The following ZNF331 variants were observed in gnomAD, a reference collection of about 807,000 sequenced individuals.
ZNF331 encodes C2H2-like zinc finger protein rearranged in thyroid adenomas.
In ZNF331, 2 loss-of-function variants were observed where a neutral mutation model predicts 7.0. That is an observed-to-expected ratio of 0.29 (90% confidence interval 0.12 to 0.90). ZNF331 has a LOEUF of 0.90. Ranked by LOEUF, ZNF331 falls within the 40% of genes least tolerant of loss-of-function variation. The probability of loss-of-function intolerance (pLI) is 0.58; values close to 1 mark genes in which losing one functional copy is unlikely to be tolerated. For missense variants in ZNF331, 432 were observed against 587.7 expected (o/e 0.74, Z 2.74); for synonymous variants, 196 against 205.4 (o/e 0.95, Z 0.39).
At chr19:53,548,591 G>A (rs763736221) in intron 2 of ZNF331, among the ~76,000 whole-genome samples, 9 of 152,220 alleles carry the variant, frequency 5.9e-5, no homozygotes, top group Non-Finnish European at 1.3e-4. Context: ...CAGATATATG[G>A]TTTGAAATAG....
At chr19:53,555,449 G>A (rs2089328708) in intron 2 of ZNF331, 1 of 152,632 alleles carries the variant, frequency 6.6e-6, no homozygotes, top group East Asian at 1.9e-4. Flanking sequence ...TGTAGCTCCA[G>A]CGTCTCTGCT....
chr19:53,527,119 T>C (rs1159032854), intron 2 of ZNF331, among the ~76,000 whole-genome samples: 1 of 150,896 alleles, frequency 6.6e-6, no homozygotes, highest in Non-Finnish European at 1.5e-5. Context: ...AACCCGGGAG[T>C]TGGAGGTTGC....
At chr19:53,527,801 ACAC>A (rs1211587871) in intron 2 of ZNF331, among the ~76,000 whole-genome samples, 1 of 152,186 alleles carries the variant, frequency 6.6e-6, no homozygotes, top group African/African-American at 2.4e-5. Flanking sequence ...CTTCACGTTT[ACAC>A]CTTATAGAAT....
chr19:53,564,461 G>T (rs972139364), intron 3 of ZNF331, among the ~76,000 whole-genome samples: 8 of 151,474 alleles, frequency 5.3e-5, no homozygotes, highest in Non-Finnish European at 8.8e-5. Context: ...TGTGTTTTTA[G>T]TAGAGACAGG....
chr19:53,559,833 CATATAT>C, intron 3 of ZNF331, among the ~76,000 whole-genome samples: 1 of 147,430 alleles, frequency 6.8e-6, no homozygotes, highest in East Asian at 1.9e-4. Context: ...CACGTATATA[CATATAT>C]ACATATACAC....
At chr19:53,545,559 G>T (rs976221328) in intron 2 of ZNF331, among the ~76,000 whole-genome samples, 2 of 152,106 alleles carry the variant, frequency 1.3e-5, no homozygotes, top group African/African-American at 4.8e-5. Context: ...GTGACACAGC[G>T]CCAGTCACAT....
At chr19:53,509,140 G>C in the ZNF331 span, among the ~76,000 whole-genome samples, 1 of 152,128 alleles carries the variant, frequency 6.6e-6, no homozygotes, top group Non-Finnish European at 1.5e-5. Flanking sequence ...TGGTCTCCAC[G>C]TCACCCAGAA....
chr19:53,518,847 A>C (rs1432132931), upstream of ZNF331, among the ~76,000 whole-genome samples: 1 of 152,234 alleles, frequency 6.6e-6, no homozygotes, highest in African/African-American at 2.4e-5. Flanking sequence ...CTCATCACAA[A>C]TGACAGCAGG....
chr19:53,510,518 T>C, the ZNF331 span, among the ~76,000 whole-genome samples: 1 of 152,072 alleles, frequency 6.6e-6, no homozygotes, highest in Non-Finnish European at 1.5e-5. Context: ...TTTTGTCACT[T>C]TGTAATGTGT....
In ZNF331 at chr19:53,573,978, G is replaced by A. The variant is rs146673785; in HGVS notation, c.136+2248G>A. On this transcript the variant is annotated intron_variant, in intron 5 of 5. Transcript: ENST00000449416. The surrounding 1 kb of genome is among the most constrained non-coding windows in gnomAD (Gnocchi z 4.2). ...AAACACAAAAATTAGCCGGTGTGCT[G>A]GTGTGCGCCTGTAATCCCAGCTACC... Among the ~76,000 whole-genome samples, 874 of 152,148 alleles carry A rather than the reference G, an allele frequency of 5.7e-3. 9 individuals are homozygous for A. The highest frequency in any genetic ancestry group is 0.02 in the African/African-American group (839 of 41,518).
At chr19:53,572,336 A>G (rs16985046) in intron 5 of ZNF331, among the ~76,000 whole-genome samples, 54,447 of 151,620 alleles carry the variant, frequency 0.36, 10,351 homozygotes, top group African/African-American at 0.47. Flanking sequence ...CAACAATGAT[A>G]TTAATGGCTA....
At chr19:53,523,879 G>T (rs1027853861) in intron 2 of ZNF331, among the ~76,000 whole-genome samples, 1 of 151,472 alleles carries the variant, frequency 6.6e-6, no homozygotes, top group African/African-American at 2.4e-5. Context: ...CTCGTCATTT[G>T]CATTAGGTAT....
In ZNF331 at chr19:53,571,575, C is replaced by T. The variant is rs757914046; in HGVS notation, c.10-29C>T. 1 of 1,609,436 alleles carries T rather than the reference C, an allele frequency of 6.2e-7. No individual in the cohort carries two copies. Among genetic ancestry groups the T allele is most frequent in the Non-Finnish European group, 8.5e-7 (1 of 1,177,914 alleles). On this transcript the variant is annotated intron_variant, in intron 4 of 5. Coordinates refer to ENST00000449416, the MANE Select transcript of ZNF331 (RefSeq NM_001079906.2). This position sits in a 1 kb window ranked among gnomAD's most constrained non-coding sequence, Gnocchi z 4.7. The stretch of plus-strand genomic sequence containing the variant: ...ATCTGGAAGCTGTTTCCTTTCATTT[C>T]ATCATGCACGTGTGGGTTTCTGTTT...
chr19:53,540,324 G>A (rs2088056230), intron 2 of ZNF331, among the ~76,000 whole-genome samples: 2 of 152,188 alleles, frequency 1.3e-5, no homozygotes, highest in African/African-American at 4.8e-5. Flanking sequence ...TTCCAGGTTG[G>A]AGACTGTCAC....
intron 2 of ZNF331, among the ~76,000 whole-genome samples, chr19:53,546,050 G>A (rs16960015): frequency 0.15 from 22,361 of 149,540 alleles, 3,061 homozygotes; most frequent in African/African-American, 0.37. Context: ...GAGGGTATTT[G>A]CTAATGCAGC....
At chr19:53,505,972 G>A in the ZNF331 span, among the ~76,000 whole-genome samples, 5 of 151,826 alleles carry the variant, frequency 3.3e-5, no homozygotes, top group African/African-American at 1.2e-4. Context: ...GACAGAGCAA[G>A]ACTCCATCTC....
intron 2 of ZNF331, among the ~76,000 whole-genome samples, chr19:53,541,372 C>T (rs1341681511): frequency 1.3e-5 from 2 of 152,194 alleles, no homozygotes; most frequent in Non-Finnish European, 2.9e-5. Context: ...TCCCAAAGTG[C>T]TGGGATTACA....
chr19:53,569,313 C>T lies in ZNF331; in HGVS notation c.-64C>T. ...TTTTTTCCACCCCTAGCTCTAGCCT[C>T]TCGGAATTTGTCTTCTTCAGTGGAA... On this transcript the variant is annotated 5_prime_UTR_variant, in exon 4 of 6. Coordinates refer to ENST00000449416, the MANE Select transcript of ZNF331 (RefSeq NM_001079906.2). The T allele has an allele frequency of 6.3e-7, 1 of 1,597,152 alleles. No homozygotes were observed. Among genetic ancestry groups the T allele is most frequent in the Non-Finnish European group, 8.6e-7 (1 of 1,166,104 alleles).
intron 2 of ZNF331, among the ~76,000 whole-genome samples, chr19:53,528,853 G>A (rs941107092): frequency 4.0e-5 from 6 of 151,722 alleles, no homozygotes; most frequent in African/African-American, 1.2e-4. Context: ...GGCGCAATCA[G>A]AGCCCACTGC....
Sources: allele counts gnomAD v4.1 joint callset (sites outside exome capture counted in the v4.1 genomes callset), GRCh38; gene constraint gnomAD v4.1.1; non-coding constraint Gnocchi (gnomAD v3.1); transcripts MANE v1.5; gene names NCBI Gene and HGNC (gene_info 2026-07-23, HGNC 2026-07-21).